MAF: variants seen among roughly 807,000 people sequenced by gnomAD.
The protein encoded by MAF is MAF bZIP transcription factor, also known as transcription factor Maf.
A neutral mutation model predicts 22.0 loss-of-function variants in MAF; 10 were observed. The ratio of observed to expected loss-of-function variants is 0.45; its 90% CI spans 0.28 to 0.77. The LOEUF (loss-of-function observed/expected upper bound fraction) is 0.77. Among genes scored for constraint, MAF ranks in the 30% least tolerant of loss-of-function variants. The pLI, the probability that MAF is intolerant of heterozygous loss-of-function variation, is 0.12. For synonymous variants in MAF, 337 were observed against 255.8 expected, an observed-to-expected ratio of 1.32 and a Z score of -3.03; for missense variants, 544 against 548.4, an observed-to-expected ratio of 0.99 and a Z score of 0.08.
At chr16:79,216,041 C>G in the MAF span, among the ~76,000 whole-genome samples, 3 of 152,320 alleles carry the variant, frequency 2.0e-5, no homozygotes, top group East Asian at 1.9e-4. Context: ...GACAGGTGAG[C>G]AAGTGCATGG....
At chr16:79,481,808 T>G in the MAF span, among the ~76,000 whole-genome samples, 1 of 152,204 alleles carries the variant, frequency 6.6e-6, no homozygotes, top group Non-Finnish European at 1.5e-5. Flanking sequence ...GCCCTGGCAC[T>G]AGAATGGAGA....
chr16:79,474,040 A>T, the MAF span, among the ~76,000 whole-genome samples: 1 of 152,118 alleles, frequency 6.6e-6, no homozygotes, highest in South Asian at 2.1e-4. Context: ...AGGGCAAAAG[A>T]CAGAGGGCAC....
At chr16:79,464,076 G>C in the MAF span, among the ~76,000 whole-genome samples, 2 of 152,194 alleles carry the variant, frequency 1.3e-5, no homozygotes, top group African/African-American at 4.8e-5. Flanking sequence ...ACAGATGACA[G>C]TAAGAAAGCA....
At chr16:79,579,033 A>G in the MAF span, among the ~76,000 whole-genome samples, 7 of 152,174 alleles carry the variant, frequency 4.6e-5, no homozygotes, top group African/African-American at 1.7e-4. Flanking sequence ...ACCAGTAAAA[A>G]TGCCAACTGA....
At chr16:79,431,588 G>A in the MAF span, among the ~76,000 whole-genome samples, 2 of 152,138 alleles carry the variant, frequency 1.3e-5, no homozygotes, top group Non-Finnish European at 2.9e-5. Flanking sequence ...TATTCACAGT[G>A]CCATTTGAAA....
the MAF span, among the ~76,000 whole-genome samples, chr16:79,492,872 G>T: frequency 6.6e-6 from 1 of 152,158 alleles, no homozygotes; most frequent in South Asian, 2.1e-4. Flanking sequence ...ATACTAGGAG[G>T]TTAGTGATTG....
At chr16:79,434,936 C>T in the MAF span, among the ~76,000 whole-genome samples, 10 of 152,096 alleles carry the variant, frequency 6.6e-5, no homozygotes, top group Admixed American at 3.9e-4. Context: ...AGGGAGGCAA[C>T]GATTTGTTAA....
At chr16:79,561,406 G>A in the MAF span, among the ~76,000 whole-genome samples, 1 of 151,290 alleles carries the variant, frequency 6.6e-6, no homozygotes, top group African/African-American at 2.4e-5. Flanking sequence ...ATGTTGGTGT[G>A]CTGCACCCAT....
chr16:79,417,689 C>G, the MAF span, among the ~76,000 whole-genome samples: 1 of 152,142 alleles, frequency 6.6e-6, no homozygotes. Context: ...GTCCCCTCCC[C>G]ACATGGCCCT....
At chr16:79,416,873 G>C in the MAF span, among the ~76,000 whole-genome samples, 5 of 152,268 alleles carry the variant, frequency 3.3e-5, no homozygotes, top group East Asian at 9.7e-4. Flanking sequence ...TATAGTTTTA[G>C]GAAGATGGTA....
At chr16:79,539,268 C>T in the MAF span, among the ~76,000 whole-genome samples, 1 of 152,208 alleles carries the variant, frequency 6.6e-6, no homozygotes, top group Non-Finnish European at 1.5e-5. Context: ...CTTCGGGAGG[C>T]CGAGCCGGGT....
chr16:79,587,559 G>A (rs921066572), intron 1 of MAF, among the ~76,000 whole-genome samples: 79 of 152,024 alleles, frequency 5.2e-4, no homozygotes, highest in African/African-American at 1.8e-3. Context: ...GTTAAGCTTC[G>A]GCAAGGAATA....
the MAF span, among the ~76,000 whole-genome samples, chr16:79,299,967 C>A: frequency 1.3e-5 from 2 of 152,198 alleles, no homozygotes; most frequent in African/African-American, 4.8e-5. Context: ...GCTTGTCCAC[C>A]TCTTGTGACT....
chr16:79,311,510 A>C, the MAF span, among the ~76,000 whole-genome samples: 7 of 151,980 alleles, frequency 4.6e-5, no homozygotes, highest in South Asian at 4.2e-4. Context: ...AAAAAAAAAA[A>C]AAAAACATTA....
chr16:79,372,127 T>G, the MAF span, among the ~76,000 whole-genome samples: 10 of 151,750 alleles, frequency 6.6e-5, no homozygotes, highest in South Asian at 2.1e-3. Flanking sequence ...ATAATTTCCT[T>G]GTTACTAGAG....
At chr16:79,232,497 C>T in the MAF span, among the ~76,000 whole-genome samples, 1 of 151,960 alleles carries the variant, frequency 6.6e-6, no homozygotes, top group Admixed American at 6.6e-5. Context: ...CTTGATACAA[C>T]ATAATATCCC....
At chr16:79,358,062 G>A in the MAF span, among the ~76,000 whole-genome samples, 1 of 152,248 alleles carries the variant, frequency 6.6e-6, no homozygotes, top group South Asian at 2.1e-4. Context: ...CAGGGATATG[G>A]AAAGAACTCA....
the MAF span, among the ~76,000 whole-genome samples, chr16:79,379,206 T>C: frequency 5.9e-5 from 9 of 152,314 alleles, no homozygotes; most frequent in East Asian, 1.4e-3. Context: ...TCATCTTGCC[T>C]GTCAACCCTA....
At chr16:79,561,638 A>C in the MAF span, among the ~76,000 whole-genome samples, 1 of 152,138 alleles carries the variant, frequency 6.6e-6, no homozygotes, top group Non-Finnish European at 1.5e-5. Flanking sequence ...CCTACAAAGG[A>C]AACATTTTAC....
Sources: gnomAD v4.1 joint callset for allele counts (sites outside exome capture counted in the v4.1 genomes callset) on GRCh38, gnomAD v4.1.1 for gene constraint, MANE v1.5 for transcripts, NCBI Gene and HGNC (gene_info 2026-07-23, HGNC 2026-07-21) for gene names.